Variants in SCNN1B observed in about 807,000 individuals in gnomAD.
SCNN1B encodes epithelial sodium channel subunit beta.
SCNN1B carries 46 observed loss-of-function variants against 65.3 expected under a neutral mutation model. That is an observed-to-expected ratio of 0.70 (90% CI 0.56 to 0.90). The LOEUF (loss-of-function observed/expected upper bound fraction) is 0.90. SCNN1B is among the 40% of genes least tolerant of loss of function. The probability of loss-of-function intolerance (pLI) is 0.00; values close to 1 mark genes in which losing one functional copy is unlikely to be tolerated. For missense variants in SCNN1B, 751 were observed against 830.5 expected (o/e 0.90, Z 1.18); for synonymous variants, 349 against 330.6 (o/e 1.06, Z -0.60).
At chr16:23,303,053 TG>T (rs1961119937) in intron 1 of SCNN1B, among the ~76,000 whole-genome samples, 1 of 152,026 alleles carries the variant, frequency 6.6e-6, no homozygotes, top group South Asian at 2.1e-4. Context: ...GGTGATGTGG[TG>T]GAGGAGGCCA....
At chr16:23,329,893 G>A (rs988855569) in intron 1 of SCNN1B, among the ~76,000 whole-genome samples, 1 of 152,082 alleles carries the variant, frequency 6.6e-6, no homozygotes, top group African/African-American at 2.4e-5. Flanking sequence ...GGGTGTGGTG[G>A]CATGTGCCTG....
intron 4 of SCNN1B, among the ~76,000 whole-genome samples, chr16:23,361,484 A>C (rs1050046532): frequency 6.6e-6 from 1 of 152,226 alleles, no homozygotes; most frequent in South Asian, 2.1e-4. Flanking sequence ...AATATATATT[A>C]TTTGGAATTC....
intron 1 of SCNN1B, among the ~76,000 whole-genome samples, chr16:23,308,394 A>T (rs1961266334): frequency 6.6e-6 from 1 of 151,998 alleles, no homozygotes; most frequent in South Asian, 2.1e-4. Context: ...ATGGTGGTGC[A>T]CACCTGTAGT....
chr16:23,365,072 G>A (rs567455063), intron 4 of SCNN1B, among the ~76,000 whole-genome samples: 4 of 151,692 alleles, frequency 2.6e-5, no homozygotes, highest in Non-Finnish European at 5.9e-5. Flanking sequence ...GTTGCAGTGA[G>A]CTGAGATGGC....
At chr16:23,324,256 T>C (rs1961647698) in intron 1 of SCNN1B, among the ~76,000 whole-genome samples, 1 of 151,320 alleles carries the variant, frequency 6.6e-6, no homozygotes, top group Non-Finnish European at 1.5e-5. Flanking sequence ...GGTACAGTCA[T>C]AGATCACTGC....
intron 1 of SCNN1B, among the ~76,000 whole-genome samples, chr16:23,324,530 C>T (rs909912248): frequency 3.3e-5 from 5 of 152,172 alleles, no homozygotes; most frequent in African/African-American, 1.2e-4. Flanking sequence ...AGGATCATTC[C>T]TGTTTCTCAA....
intron 5 of SCNN1B, 44 bp from the exon 6 acceptor site, chr16:23,371,255 C>T (rs1300086092): frequency 6.2e-7 from 1 of 1,608,946 alleles, no homozygotes; most frequent in East Asian, 2.2e-5. Flanking sequence ...TCCTTTCTGC[C>T]TCAGGAGAAA....
At chr16:23,365,504 G>C (rs1318956428) in intron 4 of SCNN1B, among the ~76,000 whole-genome samples, 1 of 136,274 alleles carries the variant, frequency 7.3e-6, no homozygotes, top group Non-Finnish European at 1.6e-5. Flanking sequence ...GAAAGAAAAA[G>C]AAAGAAAGAA....
chr16:23,283,289 T>C (rs1030726918), intron 1 of SCNN1B, among the ~76,000 whole-genome samples: 1 of 152,172 alleles, frequency 6.6e-6, no homozygotes. Context: ...CACATGCCTG[T>C]AGTCCCAGCT....
At chr16:23,309,449 T>G (rs926495609) in intron 1 of SCNN1B, among the ~76,000 whole-genome samples, 1 of 149,346 alleles carries the variant, frequency 6.7e-6, no homozygotes, top group Non-Finnish European at 1.5e-5. Context: ...GACAGATAGA[T>G]AGCTAAAGAG....
intron 6 of SCNN1B, 133 bp from the exon 7 acceptor site, chr16:23,371,643 C>T (rs938070683): frequency 4.0e-5 from 40 of 989,220 alleles, no homozygotes; most frequent in Non-Finnish European, 4.6e-5. Flanking sequence ...CCCTCTGGCG[C>T]CCCCTCTGGC....
intron 2 of SCNN1B, among the ~76,000 whole-genome samples, chr16:23,289,663 C>T (rs1960895619): frequency 6.8e-6 from 1 of 147,336 alleles, no homozygotes. Context: ...TTTACTACTC[C>T]AATATTTAAC....
upstream of SCNN1B, among the ~76,000 whole-genome samples, chr16:23,298,411 C>G (rs553671747): frequency 6.6e-6 from 1 of 152,294 alleles, no homozygotes; most frequent in African/African-American, 2.4e-5. Context: ...AGCAGCCTAG[C>G]AGTCATATTT....
chr16:23,381,017 G>T lies in SCNN1B; in HGVS notation c.*216G>T. The stretch of plus-strand genomic sequence containing the variant: ...CTGGTACAGGATGCAGGAATAAATT[G>T]TATCTTCACCTGGTTCCTACCCTCG... On this transcript the variant is annotated 3_prime_UTR_variant, in exon 13 of 13. Coordinates refer to ENST00000343070, the MANE Select transcript of SCNN1B (RefSeq NM_000336.3). 1 of 629,298 alleles carries T rather than the reference G, an allele frequency of 1.6e-6. No individual in the cohort carries two copies. The highest frequency in any genetic ancestry group is 2.9e-6 in the Non-Finnish European group (1 of 350,146). The allele number at this position is 629,298 out of a possible 1,614,324, so 39.0% of individuals were successfully genotyped here. A position where few individuals can be genotyped will look rare whatever the true frequency, so the allele number is the denominator to read the frequency against.
At chr16:23,372,809 A>T (rs1308860304) in intron 7 of SCNN1B, among the ~76,000 whole-genome samples, 3 of 149,688 alleles carry the variant, frequency 2.0e-5, no homozygotes, top group African/African-American at 2.5e-5. Context: ...TTATTTTTTT[A>T]AAAGAGATTG....
intron 7 of SCNN1B, chr16:23,372,251 T>C (rs1460355830): frequency 5.8e-6 from 2 of 347,532 alleles, no homozygotes; most frequent in Admixed American, 7.8e-5. Context: ...ATTTAATCTT[T>C]CAACTGCCTC....
At chr16:23,292,200 T>A (rs989254083) in intron 2 of SCNN1B, among the ~76,000 whole-genome samples, 47 of 149,436 alleles carry the variant, frequency 3.1e-4, no homozygotes, top group African/African-American at 5.1e-4. Flanking sequence ...TTCTTTATTT[T>A]TTTTTTTTTT....
chr16:23,294,218 ATT>A (rs955404702), intron 2 of SCNN1B, among the ~76,000 whole-genome samples: 39 of 152,174 alleles, frequency 2.6e-4, no homozygotes, highest in African/African-American at 8.7e-4. Flanking sequence ...GTATTTTTGT[ATT>A]TTTAGTCTCT....
chr16:23,289,666 T>G (rs2141969866), intron 2 of SCNN1B, among the ~76,000 whole-genome samples: 1 of 146,050 alleles, frequency 6.8e-6, no homozygotes, highest in African/African-American at 2.6e-5. Flanking sequence ...ACTACTCCAA[T>G]ATTTAACTTT....
Sources: gnomAD v4.1 joint callset for allele counts (sites outside exome capture counted in the v4.1 genomes callset) on GRCh38, gnomAD v4.1.1 for gene constraint, MANE v1.5 for transcripts, NCBI Gene and HGNC (gene_info 2026-07-23, HGNC 2026-07-21) for gene names.